Variants in PLXNB2 observed in about 807,000 individuals in gnomAD.
The protein encoded by PLXNB2 is plexin-B2.
PLXNB2 carries 85 observed loss-of-function variants against 202.6 expected under a neutral mutation model. The observed-to-expected ratio is 0.42, with a 90% CI of 0.35 to 0.50. The LOEUF (loss-of-function observed/expected upper bound fraction) is 0.50, where lower values mean the gene tolerates loss of function less well. Among genes scored for constraint, PLXNB2 ranks in the 20% least tolerant of loss-of-function variants. The pLI, the probability that PLXNB2 is intolerant of heterozygous loss-of-function variation, is 0.02. For synonymous variants in PLXNB2, 1,239 were observed against 1,137.6 expected, an observed-to-expected ratio of 1.09 and a Z score of -1.79; for missense variants, 2,063 against 2,586.2, an observed-to-expected ratio of 0.80 and a Z score of 4.39.
chr22:50,281,545 C>A, intron 21 of PLXNB2, 21 bp downstream of exon 21: 8 of 1,607,774 alleles, frequency 5.0e-6, no homozygotes, highest in Non-Finnish European at 6.8e-6. Flanking sequence ...GGGCACCCCC[C>A]GCCAGTCCCC....
chr22:50,280,555 T>C lies in PLXNB2; in HGVS notation c.4109A>G (p.His1370Arg), dbSNP rs2065913105. The change falls in exon 25 of 37, where the codon CAC (histidine) becomes CGC (arginine). Residue 1370 changes from histidine to arginine, a missense_variant. This residue lies in a region of PLXNB2 where 760 missense variants were observed against 1,109.4 expected (regional missense o/e 0.69). Coordinates refer to ENST00000359337, the MANE Select transcript of PLXNB2 (RefSeq NM_012401.4). ...CTCCAGGAGCTCCAGGAAGAGCGTG[T>C]GCATGATGTCCGTGTAGTACTCCAG... is the stretch of plus-strand genomic sequence containing the variant. ...GKLEYYTDIM[H>R]TLFLELLEQY... 2.5e-6 allele frequency: 4 copies of C among 1,612,162 alleles called. No individual in the cohort carries two copies. Among genetic ancestry groups the C allele is most frequent in the African/African-American group, 2.7e-5 (2 of 75,000 alleles).
chr22:50,300,288 C>A, intron 1 of PLXNB2: 1 of 985,184 alleles, frequency 1.0e-6, no homozygotes, highest in Non-Finnish European at 1.2e-6. Flanking sequence ...TGGCGTCGGG[C>A]ACATCGGATC....
chr22:50,302,606 T>A (rs2067749131), intron 1 of PLXNB2, among the ~76,000 whole-genome samples: 1 of 152,054 alleles, frequency 6.6e-6, no homozygotes. Context: ...AACATCCTTT[T>A]CTCCTGAAGT....
In PLXNB2 at chr22:50,283,610, C is replaced by G. The variant is rs752358708; in HGVS notation, c.2562G>C (p.Val854=). 6 of 1,612,522 alleles carry G rather than the reference C, an allele frequency of 3.7e-6. No individual in the cohort carries two copies. The Admixed American group carries it at 5.0e-5, about 13-fold the overall frequency. The part of the protein sequence containing the change: ...NCSFQPERYS[V]STRIVCVIEA... ...CAGGGCCGTCCACTCACCGGGTGGACACGGAGTAACGTTCCGGCTGAAAGG... is the reference window on the plus strand; with the variant it reads ...CAGGGCCGTCCACTCACCGGGTGGAGACGGAGTAACGTTCCGGCTGAAAGG... Residue 854 remains valine, a synonymous_variant, in exon 15 of 37, where the codon GTG becomes GTC. Coordinates refer to ENST00000359337, the MANE Select transcript of PLXNB2 (RefSeq NM_012401.4).
At chr22:50,305,324 T>C (rs537845631) in intron 1 of PLXNB2, among the ~76,000 whole-genome samples, 121 of 152,328 alleles carry the variant, frequency 7.9e-4, no homozygotes, top group African/African-American at 2.8e-3. Context: ...GCTCTGGGCT[T>C]TCTGCACTTG....
rs554117465 is a variant in PLXNB2 at position 50,289,728 on chromosome 22, G to A, written c.857C>T (p.Ala286Val). 25 of 1,612,016 alleles carry A rather than the reference G, an allele frequency of 1.6e-5. 1 individual carries two copies. The highest frequency in any genetic ancestry group is 8.0e-5 in the African/African-American group (6 of 75,076). Residue 286 changes from alanine (A) to valine (V), a missense_variant, in exon 3 of 37, where the codon GCG (alanine) becomes GTG (valine). Ala to Val is a moderately conservative substitution (Grantham distance 64, BLOSUM62 0). This residue lies in a region of PLXNB2 where 1,303 missense variants were observed against 1,476.8 expected (regional missense o/e 0.88). Coordinates refer to ENST00000359337, the MANE Select transcript of PLXNB2 (RefSeq NM_012401.4). The surrounding 1 kb of genome is among the most constrained non-coding windows in gnomAD (Gnocchi z 8.0). ...ATATAGCACCCTGCCAGAGCCAGGC[G>A]CAGCCACGGAGGCGGCCAGGCAGGT... is the stretch of plus-strand genomic sequence containing the variant. ...FGTCLAASVA[A>V]PGSGRVLYAV...
At position 50,278,017 on chromosome 22, in the gene PLXNB2, TG is replaced by T. The variant is rs551455483; in HGVS notation, c.4888-5del. 550 of 1,548,710 alleles carry T rather than the reference TG, an allele frequency of 3.6e-4. 2 individuals carry two copies. In the African/African-American group the frequency reaches 7.3e-3, roughly 21 times the overall value. On this transcript the variant is annotated splice_region_variant and splice_polypyrimidine_tract_variant and intron_variant, in intron 31 of 36. Coordinates refer to ENST00000359337, the MANE Select transcript of PLXNB2 (RefSeq NM_012401.4). ...CCACAAACTGCTGCAGTGTGCCCTG[TG>T]GGGGGGAGGGTCTCAGCGTGACGCC...
chr22:50,287,777 C>A lies in PLXNB2; in HGVS notation c.1498G>T (p.Glu500Ter). Reference protein sequence around the residue: ...VVEGRCTRKAECPRAEEASHW... With the variant: ...VVEGRCTRKA The stretch of plus-strand genomic sequence containing the variant: ...CTGGCCTCCTCGGCCCGCGGACACT[C>A]GGCCTTCCGGGTGCATCTGCAGGCG... Residue 500 changes from glutamate (E) to a stop codon, truncating the protein, a stop_gained, in exon 7 of 37, where the codon GAG (glutamate) becomes TAG (stop). Transcript: ENST00000359337. LOFTEE classifies it high-confidence loss of function. 6.3e-7 allele frequency: 1 copy of A among 1,586,496 alleles called. No individual in the cohort carries two copies.
At position 50,289,148 on chromosome 22, in the gene PLXNB2, G is replaced by T; in HGVS notation, c.1069-6C>A. 1 of 1,559,774 alleles carries T rather than the reference G, an allele frequency of 6.4e-7. No individual in the cohort carries two copies. Among genetic ancestry groups the T allele is most frequent in the South Asian group, 1.1e-5 (1 of 87,706 alleles). ...GGGAAGCTCTTGCTGGAGCCCTGCG[G>T]ACCACAGCGTGTCAATGGCAGGCAG... On this transcript the variant is annotated splice_polypyrimidine_tract_variant and splice_region_variant and intron_variant, in intron 3 of 36. Transcript: ENST00000359337. This position sits in a 1 kb window ranked among gnomAD's most constrained non-coding sequence, Gnocchi z 8.0.
rs996744817 is a variant in PLXNB2 at position 50,303,122 on chromosome 22, A to AC, written c.-74+4430dup. Among the ~76,000 whole-genome samples the AC allele has an allele frequency of 1.2e-4, 17 of 147,148 alleles. No individual in the cohort carries two copies. In the East Asian group the frequency reaches 1.2e-3, roughly 10 times the overall value. ...GCCTCCCTTGCTTCCCCCAGGAGAG[A>AC]CCCCCCCACACTCCTGCTTCTGGCC... On this transcript the variant is annotated intron_variant, in intron 1 of 36. Transcript: ENST00000359337.
In PLXNB2 at chr22:50,281,617, C is replaced by G. The variant is rs747767472; in HGVS notation, c.3471G>C (p.Pro1157=). The G allele has an allele frequency of 5.0e-6, 8 of 1,609,204 alleles. No individual in the cohort carries two copies. In the South Asian group the frequency reaches 8.8e-5, roughly 18 times the overall value. The change falls in exon 21 of 37, where the codon CCG becomes CCC. Residue 1157 remains proline, a synonymous_variant. Transcript: ENST00000359337. ...TGTCTCGTTTCTGCCGCCGCTTGGG[C>G]GGGGGCTGCACCTCCGGGGGCTCAC... ...LYCEPPEVQP[P]PKRRQKRDTT...
chr22:50,293,642 C>T (rs1343884831), intron 2 of PLXNB2, among the ~76,000 whole-genome samples: 5 of 152,186 alleles, frequency 3.3e-5, no homozygotes, highest in African/African-American at 9.7e-5. Flanking sequence ...AGCGCGGGGG[C>T]GGGGCCCACG....
At position 50,283,088 on chromosome 22, in the gene PLXNB2, C is replaced by T. The variant is rs2066137411; in HGVS notation, c.2778G>A (p.Glu926=). The T allele has an allele frequency of 1.2e-6, 2 of 1,608,658 alleles. No homozygotes were observed. The highest frequency in any genetic ancestry group is 8.5e-7 in the Non-Finnish European group (1 of 1,178,226). ...CGCCGTTGAGGGTCACCCGCACGTC[C>T]TCCTGGGAGCCCGTGTCCAGGTGGG... ...HGTHLDTGSQ[E]DVRVTLNGVP... The change falls in exon 17 of 37, where the codon GAG becomes GAA. Residue 926 remains glutamate, a synonymous_variant. Coordinates refer to ENST00000359337, the MANE Select transcript of PLXNB2 (RefSeq NM_012401.4).
intron 25 of PLXNB2, 123 bp from the exon 26 acceptor site, chr22:50,280,194 G>A: frequency 2.6e-6 from 2 of 762,114 alleles, no homozygotes; most frequent in East Asian, 2.7e-5. Context: ...GGTGTGGCCT[G>A]CAGCGAGGAC....
rs1225579986 is a variant in PLXNB2 at position 50,290,383 on chromosome 22, C to T, written c.202G>A (p.Ala68Thr). The change falls in exon 3 of 37, where the codon GCC (alanine) becomes ACC (threonine). Residue 68 changes from alanine (A) to threonine (T), a missense_variant. Ala to Thr is a moderately conservative substitution (Grantham distance 58). Coordinates refer to ENST00000359337, the MANE Select transcript of PLXNB2 (RefSeq NM_012401.4). Reference sequence around the variant, plus strand: ...TTGTTGTCCAGGGCCGGGCCCGTGGCCACCTGCTGCTCCAGCTGCAGCTTC... The same window carrying T: ...TTGTTGTCCAGGGCCGGGCCCGTGGTCACCTGCTGCTCCAGCTGCAGCTTC... The part of the protein sequence containing the change: ...DAKLQLEQQV[A>T]TGPALDNKKC... The T allele has an allele frequency of 3.7e-6, 6 of 1,612,924 alleles. No individual in the cohort carries two copies.
intron 1 of PLXNB2, among the ~76,000 whole-genome samples, chr22:50,300,007 G>A (rs1317792752): frequency 2.0e-5 from 3 of 152,200 alleles, no homozygotes; most frequent in East Asian, 1.9e-4. Flanking sequence ...GGAAGCGCAG[G>A]GACTAGGCCC....
At chr22:50,279,171 A>C (rs1042612053) in intron 27 of PLXNB2, among the ~76,000 whole-genome samples, 160 bp from the exon 28 acceptor site, 6 of 152,140 alleles carry the variant, frequency 3.9e-5, no homozygotes, top group Non-Finnish European at 8.8e-5. Context: ...TTCCCAGATG[A>C]CCACACTCTG....
intron 1 of PLXNB2, chr22:50,300,374 C>T: frequency 1.0e-6 from 1 of 961,264 alleles, no homozygotes; most frequent in Non-Finnish European, 1.2e-6. Context: ...CCGATGGTGG[C>T]TCCGCCCGTG....
In PLXNB2 at chr22:50,296,519, T is replaced by C. The variant is rs2067283548; in HGVS notation, c.-73-1741A>G. Reference sequence around the variant, plus strand: ...ACTTTGGGAGGCTGAGGCGGGCGGATCACCTGAGGCTGCAGAGAGCTGAGA... The same window carrying C: ...ACTTTGGGAGGCTGAGGCGGGCGGACCACCTGAGGCTGCAGAGAGCTGAGA... On this transcript the variant is annotated intron_variant, in intron 1 of 36. Transcript: ENST00000359337. 2.2e-5 allele frequency among the ~76,000 whole-genome samples: 3 copies of C among 134,528 alleles called. No homozygotes were observed. In the South Asian group the frequency reaches 6.7e-4, roughly 30 times the overall value. 88.3% of individuals were successfully genotyped at this position (134,528 alleles called of 152,430 possible).
Sources: allele counts gnomAD v4.1 joint callset (sites outside exome capture counted in the v4.1 genomes callset), GRCh38; gene constraint gnomAD v4.1.1; regional missense constraint gnomAD v4.1.1; non-coding constraint Gnocchi (gnomAD v3.1); transcripts MANE v1.5; gene names NCBI Gene and HGNC (gene_info 2026-07-23, HGNC 2026-07-21).